The following KCNQ1 variants were observed in gnomAD, a reference collection of about 807,000 sequenced individuals.
The protein encoded by KCNQ1 is potassium voltage-gated channel subfamily KQT member 1.
In KCNQ1, 49 loss-of-function variants were observed where a neutral mutation model predicts 72.4. That is an observed-to-expected ratio of 0.68 (90% CI 0.54 to 0.86). The LOEUF (loss-of-function observed/expected upper bound fraction) is 0.86, where lower values mean the gene tolerates loss of function less well. Ranked by LOEUF, KCNQ1 falls within the 40% of genes least tolerant of loss-of-function variation. The pLI is 0.00. For missense variants in KCNQ1, 790 were observed against 945.1 expected (o/e 0.84, Z 2.15); for synonymous variants, 450 against 412.6 (o/e 1.09, Z -1.10).
intron 2 of KCNQ1, among the ~76,000 whole-genome samples, chr11:2,535,793 C>T (rs1252827665): frequency 3.9e-5 from 6 of 152,206 alleles, no homozygotes; most frequent in Non-Finnish European, 8.8e-5. Flanking sequence ...CTTCTGAGGC[C>T]GCTTTGCTGG....
In KCNQ1 at chr11:2,654,647, TGAGGGCA is replaced by T. The variant is rs1218155906; in HGVS notation, c.1394-7305_1394-7299del. ...GGCCCAGACACTGGCGAGAGTCTCT[TGAGGGCA>T]GAGGGCAGCAGAGATGGGCTGGAGC... On this transcript the variant is annotated intron_variant, in intron 10 of 15. Transcript: ENST00000155840. The surrounding 1 kb of genome is among the most constrained non-coding windows in gnomAD (Gnocchi z 6.4). 1 of 398,672 alleles carries T rather than the reference TGAGGGCA, an allele frequency of 2.5e-6. No homozygotes were observed. The highest frequency in any genetic ancestry group is 4.4e-6 in the Non-Finnish European group (1 of 226,304). 24.7% of individuals were successfully genotyped at this position (398,672 alleles called of 1,614,324 possible).
rs1439224587 is a variant in KCNQ1, at chr11:2,741,517, C to T, written c.1515-27327C>T. 2.0e-5 allele frequency among the ~76,000 whole-genome samples: 3 copies of T among 152,180 alleles called. No individual in the cohort carries two copies. In the East Asian group the frequency reaches 5.8e-4, roughly 29 times the overall value. Reference sequence around the variant, plus strand: ...CTGTCCCCTGTGCCCCTGTTTATCCCTTCTACCTACAGCCTATCCCCTACC... The same window carrying T: ...CTGTCCCCTGTGCCCCTGTTTATCCTTTCTACCTACAGCCTATCCCCTACC... On this transcript the variant is annotated intron_variant, in intron 11 of 15. Coordinates refer to ENST00000155840, the MANE Select transcript of KCNQ1 (RefSeq NM_000218.3).
intron 11 of KCNQ1, among the ~76,000 whole-genome samples, chr11:2,700,809 G>A (rs1446535242): frequency 6.6e-6 from 1 of 151,216 alleles, no homozygotes; most frequent in Non-Finnish European, 1.5e-5. Flanking sequence ...ACTTGACCGC[G>A]TCTGCCGGCC....
chr11:2,494,412 C>G lies in KCNQ1; in HGVS notation c.387-33516C>G, dbSNP rs1846878898. ...AATGGGAGTGGTGAGAGAGGGCATCCTTGTCTTGTGCTGGTTTTCAAAGTG... is the reference window on the plus strand; with the variant it reads ...AATGGGAGTGGTGAGAGAGGGCATCGTTGTCTTGTGCTGGTTTTCAAAGTG... On this transcript the variant is annotated intron_variant, in intron 1 of 15. Transcript: ENST00000155840. The surrounding 1 kb of genome is among the most constrained non-coding windows in gnomAD (Gnocchi z 4.6). 6.6e-6 allele frequency among the ~76,000 whole-genome samples: 1 copy of G among 152,098 alleles called. No individual in the cohort carries two copies. The highest frequency in any genetic ancestry group is 2.1e-4 in the South Asian group (1 of 4,826).
chr11:2,715,975 G>C lies in KCNQ1; in HGVS notation c.1515-52869G>C, dbSNP rs937271635. Among the ~76,000 whole-genome samples the C allele has an allele frequency of 3.3e-5, 5 of 152,174 alleles. No homozygotes were observed. Among genetic ancestry groups the C allele is most frequent in the African/African-American group, 1.2e-4 (5 of 41,448 alleles). On this transcript the variant is annotated intron_variant, in intron 11 of 15. Transcript: ENST00000155840. This position sits in a 1 kb window ranked among gnomAD's most constrained non-coding sequence, Gnocchi z 4.9. ...CCCCACGTCACCTCCAAACCCTTTG[G>C]GCTGGCCTCTTGGTGAGGAATGGCC...
rs2133985336 is a variant in KCNQ1 at position 2,772,623 on chromosome 11, C to A, written c.1591-3337C>A. Among the ~76,000 whole-genome samples the A allele has an allele frequency of 6.6e-6, 1 of 152,228 alleles. No individual in the cohort carries two copies. The highest frequency in any genetic ancestry group is 2.1e-4 in the South Asian group (1 of 4,816). On this transcript the variant is annotated intron_variant, in intron 12 of 15. Transcript: ENST00000155840. The surrounding 1 kb of genome is among the most constrained non-coding windows in gnomAD (Gnocchi z 6.6). ...ATTGCTGAGCCTTCTTGGGCTATGCCCTACACCAGGTAAGGCTGTGGCTGA... is the reference window on the plus strand; with the variant it reads ...ATTGCTGAGCCTTCTTGGGCTATGCACTACACCAGGTAAGGCTGTGGCTGA...
rs1243889537 is a variant in KCNQ1, at chr11:2,645,925, G to A, written c.1394-16036G>A. On this transcript the variant is annotated intron_variant, in intron 10 of 15. Transcript: ENST00000155840. This position sits in a 1 kb window ranked among gnomAD's most constrained non-coding sequence, Gnocchi z 5.8. ...ATTGCCATTTCACAGTCTGTAGGTAGCCTCTTGTTAGTCTCAAGGCATCTA... is the reference window on the plus strand; with the variant it reads ...ATTGCCATTTCACAGTCTGTAGGTAACCTCTTGTTAGTCTCAAGGCATCTA... The A allele has an allele frequency of 2.5e-6, 1 of 398,472 alleles. No individual in the cohort carries two copies. Among genetic ancestry groups the A allele is most frequent in the Non-Finnish European group, 4.4e-6 (1 of 226,084 alleles). The allele number at this position is 398,472 out of a possible 1,614,324, so 24.7% of individuals were successfully genotyped here. A position where few individuals can be genotyped will look rare whatever the true frequency, so the allele number is the denominator to read the frequency against.
At chr11:2,832,564 G>T (rs1001644557) in intron 15 of KCNQ1, among the ~76,000 whole-genome samples, 1 of 152,218 alleles carries the variant, frequency 6.6e-6, no homozygotes, top group African/African-American at 2.4e-5. Context: ...GCCTTGGCAG[G>T]GTCAGGAGAG....
Position 2,645,631 on chromosome 11 carries a change from C to T in KCNQ1, c.1394-16330C>T, listed in dbSNP as rs1849654397. 1 of 398,660 alleles carries T rather than the reference C, an allele frequency of 2.5e-6. No homozygotes were observed. Among genetic ancestry groups the T allele is most frequent in the Non-Finnish European group, 4.4e-6 (1 of 226,162 alleles). The allele number at this position is 398,660 out of a possible 1,614,324, so 24.7% of individuals were successfully genotyped here. Reference sequence around the variant, plus strand: ...GTGACTATGGGCAGGGTCACCTTTCCTCATGGCAGCCTTGCTTCGGAGGTA... The same window carrying T: ...GTGACTATGGGCAGGGTCACCTTTCTTCATGGCAGCCTTGCTTCGGAGGTA... On this transcript the variant is annotated intron_variant, in intron 10 of 15. Coordinates refer to ENST00000155840, the MANE Select transcript of KCNQ1 (RefSeq NM_000218.3). The surrounding 1 kb of genome is among the most constrained non-coding windows in gnomAD (Gnocchi z 5.8).
At chr11:2,702,652 C>G (rs570490582) in intron 11 of KCNQ1, among the ~76,000 whole-genome samples, 3 of 152,330 alleles carry the variant, frequency 2.0e-5, no homozygotes, top group South Asian at 4.1e-4. Context: ...CTACCTAACC[C>G]TGGAACCTCA....
intron 1 of KCNQ1, among the ~76,000 whole-genome samples, chr11:2,506,310 T>A (rs761836740): frequency 2.0e-5 from 3 of 152,264 alleles, no homozygotes; most frequent in Non-Finnish European, 2.9e-5. Context: ...AGACTATACG[T>A]GAACTTTTTG....
intron 11 of KCNQ1, chr11:2,662,465 C>G (rs1042232676): frequency 4.3e-6 from 2 of 466,342 alleles, no homozygotes; most frequent in Non-Finnish European, 7.5e-6. Flanking sequence ...GGGCAGATGC[C>G]GGGTGCAGTC....
chr11:2,640,566 T>G lies in KCNQ1; in HGVS notation c.1394-21395T>G, dbSNP rs1182564981. Reference sequence around the variant, plus strand: ...CCCCCAAAGCACTGGGATTTCCTTTTTTTTTTTTTTTTGACCGATACATAA... The same window carrying G: ...CCCCCAAAGCACTGGGATTTCCTTTGTTTTTTTTTTTTGACCGATACATAA... On this transcript the variant is annotated intron_variant, in intron 10 of 15. Coordinates refer to ENST00000155840, the MANE Select transcript of KCNQ1 (RefSeq NM_000218.3). 1.4e-4 allele frequency: 25 copies of G among 176,288 alleles called. No individual in the cohort carries two copies. In the South Asian group the frequency reaches 4.3e-3, roughly 31 times the overall value. 10.9% of individuals were successfully genotyped at this position (176,288 alleles called of 1,614,324 possible).
rs146844922 is a variant in KCNQ1 at position 2,746,738 on chromosome 11, T to C, written c.1515-22106T>C. ...TCTCTGTCTCCTGGCTCTGAGGCCGTGGCTGTCAATCTCTTCAACTGTGAT... is the reference window on the plus strand; with the variant it reads ...TCTCTGTCTCCTGGCTCTGAGGCCGCGGCTGTCAATCTCTTCAACTGTGAT... On this transcript the variant is annotated intron_variant, in intron 11 of 15. Transcript: ENST00000155840. The surrounding 1 kb of genome is among the most constrained non-coding windows in gnomAD (Gnocchi z 5.9). 5.7e-3 allele frequency among the ~76,000 whole-genome samples: 875 copies of C among 152,354 alleles called. 6 individuals are homozygous for C. The highest frequency in any genetic ancestry group is 0.027 in the Middle Eastern group (8 of 294).
rs912225950 is a variant in KCNQ1 at position 2,647,355 on chromosome 11, T to A, written c.1394-14606T>A. On this transcript the variant is annotated intron_variant, in intron 10 of 15. Transcript: ENST00000155840. This position sits in a 1 kb window ranked among gnomAD's most constrained non-coding sequence, Gnocchi z 4.0. Reference sequence around the variant, plus strand: ...TGATTATGGTGTATTATCTTTTTGATGTGCGATTGGATTCAGATTGCTAGT... The same window carrying A: ...TGATTATGGTGTATTATCTTTTTGAAGTGCGATTGGATTCAGATTGCTAGT... 2.5e-6 allele frequency: 1 copy of A among 398,484 alleles called. No individual in the cohort carries two copies. The highest frequency in any genetic ancestry group is 4.4e-6 in the Non-Finnish European group (1 of 226,062). 24.7% of individuals were successfully genotyped at this position (398,484 alleles called of 1,614,324 possible). A position where few individuals can be genotyped will look rare whatever the true frequency, so the allele number is the denominator to read the frequency against.
Position 2,495,675 on chromosome 11 carries a change from A to G in KCNQ1, c.387-32253A>G, listed in dbSNP as rs768999490. On this transcript the variant is annotated intron_variant, in intron 1 of 15. Transcript: ENST00000155840. This position sits in a 1 kb window ranked among gnomAD's most constrained non-coding sequence, Gnocchi z 4.6. ...AGTGAGTTTCTTCATCCTGAGTTCT[A>G]ATTTGATCGTACTGTGTTCTGAGAG... Among the ~76,000 whole-genome samples, 3 of 152,120 alleles carry G rather than the reference A, an allele frequency of 2.0e-5. No homozygotes were observed. Among genetic ancestry groups the G allele is most frequent in the Non-Finnish European group, 4.4e-5 (3 of 68,034 alleles).
chr11:2,843,223 A>G (rs913936958), intron 15 of KCNQ1, among the ~76,000 whole-genome samples: 5 of 152,236 alleles, frequency 3.3e-5, no homozygotes, highest in Non-Finnish European at 4.4e-5. Flanking sequence ...CAATCGCTCC[A>G]TGCCCTGCCA....
intron 4 of KCNQ1, 84 bp downstream of exon 4, chr11:2,571,487 C>A: frequency 5.3e-6 from 6 of 1,131,178 alleles, no homozygotes; most frequent in Non-Finnish European, 7.9e-6. Context: ...CACGCCCCAT[C>A]CACCTTGCTC....
rs57153633 is a variant in KCNQ1 at position 2,758,442 on chromosome 11, T to C, written c.1515-10402T>C. On this transcript the variant is annotated intron_variant, in intron 11 of 15. Coordinates refer to ENST00000155840, the MANE Select transcript of KCNQ1 (RefSeq NM_000218.3). ...GGATGTGGAGAAACGGGATTGCCCA[T>C]CTGTTGCTGCTGGGAATGTAAACTG... is the stretch of plus-strand genomic sequence containing the variant. Among the ~76,000 whole-genome samples the C allele has an allele frequency of 4.4e-3, 670 of 152,304 alleles. 4 individuals carry two copies. The highest frequency in any genetic ancestry group is 0.015 in the African/African-American group (644 of 41,550).
Sources: gnomAD v4.1 joint callset for allele counts (sites outside exome capture counted in the v4.1 genomes callset) on GRCh38, gnomAD v4.1.1 for gene constraint, Gnocchi (gnomAD v3.1) non-coding constraint, MANE v1.5 for transcripts, NCBI Gene and HGNC (gene_info 2026-07-23, HGNC 2026-07-21) for gene names.